The following TENM2 variants were observed in gnomAD, a reference collection of about 807,000 sequenced individuals.
The protein encoded by TENM2 is teneurin transmembrane protein 2, also known as teneurin-2.
In TENM2, 52 loss-of-function variants were observed where a neutral mutation model predicts 245.2. The ratio of observed to expected loss-of-function variants is 0.21; its 90% CI spans 0.17 to 0.27. The LOEUF (loss-of-function observed/expected upper bound fraction) is 0.27. Among genes scored for constraint, TENM2 ranks in the 10% least tolerant of loss-of-function variants. TENM2 has a pLI of 1.00. For synonymous variants in TENM2, 1,363 were observed against 1,438.9 expected (o/e 0.95, Z 1.19); for missense variants, 3,046 against 3,666.8 (o/e 0.83, Z 4.37).
chr5:168,211,040 A>G (rs894147641), intron 19 of TENM2, among the ~76,000 whole-genome samples: 4 of 152,228 alleles, frequency 2.6e-5, no homozygotes, highest in Admixed American at 6.5e-5. Context: ...AATTTCATTT[A>G]TGGACGTTAT....
chr5:167,128,550 C>CA, the TENM2 span, among the ~76,000 whole-genome samples: 1 of 146,030 alleles, frequency 6.8e-6, no homozygotes. Context: ...TGTAGACTTT[C>CA]ATTAAAAAAA....
chr5:167,484,264 G>A (rs1767932797), intron 2 of TENM2, among the ~76,000 whole-genome samples: 1 of 152,144 alleles, frequency 6.6e-6, no homozygotes, highest in African/African-American at 2.4e-5. Context: ...AGAATCGCTT[G>A]AACCCCTTAT....
intron 2 of TENM2, among the ~76,000 whole-genome samples, chr5:167,668,425 G>T (rs73801323): frequency 0.031 from 4,646 of 152,118 alleles, 226 homozygotes; most frequent in African/African-American, 0.11. Context: ...TTTTAAAAAC[G>T]TTCCACAAAT....
rs577151652 is a variant in TENM2 at position 167,901,974 on chromosome 5, C to T, written c.712+25779C>T. Among the ~76,000 whole-genome samples the T allele has an allele frequency of 2.1e-4, 32 of 152,248 alleles. No homozygotes were observed. In the South Asian group the frequency reaches 3.7e-3, roughly 18 times the overall value. Reference sequence around the variant, plus strand: ...AATGTGATATTAGCATAGAAAGCAACGGTGTATGAGCGAGTCTGTTTTCCC... The same window carrying T: ...AATGTGATATTAGCATAGAAAGCAATGGTGTATGAGCGAGTCTGTTTTCCC... On this transcript the variant is annotated intron_variant, in intron 3 of 28. Coordinates refer to ENST00000518659, the Ensembl canonical transcript of TENM2.
chr5:167,214,384 GC>G, the TENM2 span, among the ~76,000 whole-genome samples: 1 of 152,048 alleles, frequency 6.6e-6, no homozygotes, highest in Non-Finnish European at 1.5e-5. Flanking sequence ...TAGAAATATG[GC>G]CAGTCCTTAA....
chr5:168,183,847 GA>G (rs141193664), intron 13 of TENM2, among the ~76,000 whole-genome samples: 5,683 of 147,610 alleles, frequency 0.039, 264 homozygotes, highest in African/African-American at 0.11. Flanking sequence ...AAAAGAAAAA[GA>G]AAAAAAAAAC....
At chr5:167,268,551 G>A in the TENM2 span, among the ~76,000 whole-genome samples, 1 of 152,168 alleles carries the variant, frequency 6.6e-6, no homozygotes, top group Non-Finnish European at 1.5e-5. Flanking sequence ...GGTGAGGCAT[G>A]TTTGATGTGA....
At chr5:167,446,707 G>T (rs368707053) in intron 2 of TENM2, among the ~76,000 whole-genome samples, 10 of 151,554 alleles carry the variant, frequency 6.6e-5, no homozygotes, top group Non-Finnish European at 1.2e-4. Flanking sequence ...TTTGGGGGGG[G>T]GGATTTGTAC....
chr5:168,178,234 G>A (rs1402973254), intron 13 of TENM2, among the ~76,000 whole-genome samples: 1 of 152,216 alleles, frequency 6.6e-6, no homozygotes, highest in East Asian at 1.9e-4. Context: ...GCACCAGGCT[G>A]CCACCCCCTG....
At chr5:167,994,597 A>T (rs1454956091) in intron 5 of TENM2, among the ~76,000 whole-genome samples, 1 of 152,232 alleles carries the variant, frequency 6.6e-6, no homozygotes, top group Non-Finnish European at 1.5e-5. Context: ...TCTTGTCTTA[A>T]TATGGAAAAA....
intron 2 of TENM2, among the ~76,000 whole-genome samples, chr5:167,457,454 A>G (rs114119195): frequency 0.02 from 3,058 of 151,922 alleles, 55 homozygotes; most frequent in Non-Finnish European, 0.031. Flanking sequence ...TGCCTTGAGT[A>G]GCTCCTGCCT....
At chr5:167,639,499 C>T (rs981873786) in intron 2 of TENM2, among the ~76,000 whole-genome samples, 5 of 152,198 alleles carry the variant, frequency 3.3e-5, no homozygotes, top group South Asian at 2.1e-4. Context: ...CTTCAGAATA[C>T]TGACCTTCTT....
At chr5:167,165,301 G>A in the TENM2 span, 10 of 152,164 alleles carry the variant, frequency 6.6e-5, no homozygotes, top group African/African-American at 9.7e-5. Flanking sequence ...AGTGACCCAG[G>A]TTTCTTCTGT....
chr5:167,349,166 C>T (rs1561882123), intron 1 of TENM2, among the ~76,000 whole-genome samples: 1 of 152,208 alleles, frequency 6.6e-6, no homozygotes, highest in Non-Finnish European at 1.5e-5. Context: ...ATTGCTCATG[C>T]TCACTTGCTC....
intron 2 of TENM2, among the ~76,000 whole-genome samples, chr5:167,500,662 G>A (rs1769154708): frequency 6.6e-6 from 1 of 152,226 alleles, no homozygotes; most frequent in South Asian, 2.1e-4. Flanking sequence ...CAGGTAGGCA[G>A]TGTGTGATGG....
the TENM2 span, among the ~76,000 whole-genome samples, chr5:167,017,270 A>G: frequency 6.6e-6 from 1 of 152,170 alleles, no homozygotes; most frequent in Admixed American, 6.5e-5. Context: ...AAGCTTCTAC[A>G]TTGCCTTTTG....
chr5:168,252,953 T>C (rs1581775971), intron 27 of TENM2, among the ~76,000 whole-genome samples: 1 of 152,028 alleles, frequency 6.6e-6, no homozygotes, highest in East Asian at 1.9e-4. Flanking sequence ...AGCCACAGTA[T>C]TTTTTGTTTG....
intron 1 of TENM2, among the ~76,000 whole-genome samples, chr5:167,335,863 G>T (rs1021490306): frequency 2.0e-5 from 3 of 152,108 alleles, no homozygotes; most frequent in African/African-American, 7.2e-5. Context: ...AAAAATGCTG[G>T]TTCTCAAGGG....
At chr5:167,897,894 T>C (rs1169472384) in intron 3 of TENM2, among the ~76,000 whole-genome samples, 1 of 148,132 alleles carries the variant, frequency 6.8e-6, no homozygotes, top group East Asian at 2.0e-4. Context: ...TAAATTGTTT[T>C]TTTTTTTTTT....
Sources: allele counts gnomAD v4.1 joint callset (sites outside exome capture counted in the v4.1 genomes callset), GRCh38; gene constraint gnomAD v4.1.1; transcripts MANE v1.5; gene names NCBI Gene and HGNC (gene_info 2026-07-23, HGNC 2026-07-21).